The following CADPS variants were observed in gnomAD, a reference collection of about 807,000 sequenced individuals.
CADPS encodes calcium dependent secretion activator.
In CADPS, 57 loss-of-function variants were observed where a neutral mutation model predicts 167.3. The ratio of observed to expected loss-of-function variants is 0.34; its 90% CI spans 0.28 to 0.42. CADPS has a LOEUF of 0.42. Among genes scored for constraint, CADPS ranks in the 20% least tolerant of loss-of-function variants. The probability of loss-of-function intolerance (pLI) is 1.00; values close to 1 mark genes in which losing one functional copy is unlikely to be tolerated. For synonymous variants in CADPS, 676 were observed against 635.3 expected (o/e 1.06, Z -0.96); for missense variants, 1,414 against 1,738.1 (o/e 0.81, Z 3.32).
At chr3:62,536,266 C>T (rs28579412) in intron 12 of CADPS, 179 bp downstream of exon 12, 53,020 of 552,340 alleles carry the variant, frequency 0.096, 2,924 homozygotes, top group East Asian at 0.16. Flanking sequence ...AACTTCCTCC[C>T]GCTCAGTCTT....
chr3:62,424,773 A>G (rs544708217), intron 28 of CADPS, among the ~76,000 whole-genome samples: 1 of 152,350 alleles, frequency 6.6e-6, no homozygotes, highest in South Asian at 2.1e-4. Flanking sequence ...CAAAAAATCA[A>G]CTGACAATTG....
chr3:62,662,529 C>A, intron 3 of CADPS, 135 bp from the exon 4 acceptor site: 1 of 688,604 alleles, frequency 1.5e-6, no homozygotes, highest in Non-Finnish European at 2.5e-6. Context: ...TTATAACCGA[C>A]AAATCCAGTC....
chr3:62,541,381 T>C (rs1240945298), intron 11 of CADPS, among the ~76,000 whole-genome samples: 1 of 152,152 alleles, frequency 6.6e-6, no homozygotes, highest in Non-Finnish European at 1.5e-5. Context: ...TGCATAAGGA[T>C]TTTTCAGTCC....
intron 4 of CADPS, among the ~76,000 whole-genome samples, chr3:62,659,802 T>C (rs1184142553): frequency 1.3e-5 from 2 of 152,172 alleles, no homozygotes; most frequent in African/African-American, 2.4e-5. Context: ...GTTAGCTATA[T>C]AGCAAGGGGG....
intron 6 of CADPS, among the ~76,000 whole-genome samples, chr3:62,620,766 C>A (rs992510022): frequency 6.6e-6 from 1 of 152,164 alleles, no homozygotes; most frequent in Admixed American, 6.5e-5. Flanking sequence ...TTGAAACCAA[C>A]ACCCTTGCTC....
At chr3:62,658,331 C>CAG (rs923034366) in intron 4 of CADPS, among the ~76,000 whole-genome samples, 2 of 151,922 alleles carry the variant, frequency 1.3e-5, no homozygotes, top group Admixed American at 1.3e-4. Context: ...GACTGATTAG[C>CAG]AGAGAGAGAG....
intron 17 of CADPS, among the ~76,000 whole-genome samples, chr3:62,509,291 C>CAAA (rs756659299): frequency 1.9e-5 from 2 of 103,130 alleles, no homozygotes; most frequent in African/African-American, 3.8e-5. Flanking sequence ...GACTCTGTCT[C>CAAA]AAAAAAAAAA....
chr3:62,683,605 T>G (rs1287749312), intron 3 of CADPS, among the ~76,000 whole-genome samples: 1 of 152,090 alleles, frequency 6.6e-6, no homozygotes, highest in African/African-American at 2.4e-5. Flanking sequence ...ACATTGATAC[T>G]TCATTATTAA....
At chr3:62,534,998 A>T (rs761974112) in intron 12 of CADPS, among the ~76,000 whole-genome samples, 11 of 152,136 alleles carry the variant, frequency 7.2e-5, no homozygotes, top group Non-Finnish European at 1.5e-4. Context: ...ATCTCAAAAC[A>T]AAGAAAATTG....
chr3:62,833,990 T>C (rs544642699), intron 1 of CADPS, among the ~76,000 whole-genome samples: 1 of 152,328 alleles, frequency 6.6e-6, no homozygotes, highest in Non-Finnish European at 1.5e-5. Flanking sequence ...CACCAAATGA[T>C]CTCTTCCTGA....
At chr3:62,428,980 C>T (rs2053369263) in intron 28 of CADPS, among the ~76,000 whole-genome samples, 1 of 152,148 alleles carries the variant, frequency 6.6e-6, no homozygotes, top group Non-Finnish European at 1.5e-5. Context: ...AGAAACTTTG[C>T]TTTAGAAGTA....
At chr3:62,795,823 C>A (rs1428257304) in intron 1 of CADPS, among the ~76,000 whole-genome samples, 5 of 152,094 alleles carry the variant, frequency 3.3e-5, no homozygotes, top group African/African-American at 1.2e-4. Context: ...AGGCCTCCTG[C>A]AAGACATGAA....
chr3:62,550,300 A>T (rs1436240697), intron 10 of CADPS, among the ~76,000 whole-genome samples, 185 bp from the exon 11 acceptor site: 2 of 152,062 alleles, frequency 1.3e-5, no homozygotes, highest in Admixed American at 6.5e-5. Context: ...TTGAAGAAGT[A>T]TTTCTGAGCC....
chr3:62,866,380 G>C (rs939596156), intron 1 of CADPS, among the ~76,000 whole-genome samples: 2 of 152,178 alleles, frequency 1.3e-5, no homozygotes, highest in African/African-American at 4.8e-5. Flanking sequence ...GCATCAGTGT[G>C]AAGTCTCAAC....
intron 26 of CADPS, among the ~76,000 whole-genome samples, chr3:62,450,135 A>G (rs2057824277): frequency 1.3e-5 from 2 of 152,176 alleles, no homozygotes; most frequent in African/African-American, 4.8e-5. Flanking sequence ...TTGCTATAAA[A>G]AAGATTCTGG....
Position 62,874,695 on chromosome 3 carries a change from T to C in CADPS, c.335A>G (p.Glu112Gly). The C allele has an allele frequency of 6.4e-7, 1 of 1,552,302 alleles. No individual in the cohort carries two copies. Among genetic ancestry groups the C allele is most frequent in the Non-Finnish European group, 8.7e-7 (1 of 1,146,910 alleles). The change falls in exon 1 of 30, where the codon GAG (glutamate) becomes GGG (glycine). Residue 112 changes from glutamate (E) to glycine (G), a missense_variant. Glu to Gly is a moderately conservative substitution (Grantham distance 98). Coordinates refer to ENST00000383710, the MANE Select transcript of CADPS (RefSeq NM_003716.4). The surrounding 1 kb of genome is among the most constrained non-coding windows in gnomAD (Gnocchi z 7.1). The stretch of plus-strand genomic sequence containing the variant: ...CTGCAGCCTCTTCTTCCTCTCCTCC[T>C]CCTCTTTCTGCAGCCGCTCCAACTC... ...KEELERLQKE[E>G]EERKKRLQLY...
intron 6 of CADPS, among the ~76,000 whole-genome samples, chr3:62,599,533 A>T (rs1436906645): frequency 1.9e-5 from 2 of 105,150 alleles, no homozygotes; most frequent in Non-Finnish European, 3.5e-5. Context: ...CATATATATT[A>T]TATATATTAT....
intron 6 of CADPS, among the ~76,000 whole-genome samples, chr3:62,607,200 A>G (rs1433263284): frequency 6.6e-6 from 1 of 152,206 alleles, no homozygotes; most frequent in Non-Finnish European, 1.5e-5. Flanking sequence ...CAGTCACTCA[A>G]TAAACACCTG....
rs577739034 is a variant in CADPS, at chr3:62,858,383, C to G, written c.441+16206G>C. ...GGAGAGGAGCCCCAAAACTTCTCCC[C>G]TAAGCATGGAATACAAGTCCTCCAC... On this transcript the variant is annotated intron_variant, in intron 1 of 29. Coordinates refer to ENST00000383710, the MANE Select transcript of CADPS (RefSeq NM_003716.4). Among the ~76,000 whole-genome samples, 3 of 152,262 alleles carry G rather than the reference C, an allele frequency of 2.0e-5. No individual in the cohort carries two copies. In the South Asian group the frequency reaches 6.2e-4, roughly 32 times the overall value.
Sources: allele counts gnomAD v4.1 joint callset (sites outside exome capture counted in the v4.1 genomes callset), GRCh38; gene constraint gnomAD v4.1.1; non-coding constraint Gnocchi (gnomAD v3.1); transcripts MANE v1.5; gene names NCBI Gene and HGNC (gene_info 2026-07-23, HGNC 2026-07-21).